Variants in ACSL3 observed in about 807,000 individuals in gnomAD.
The protein encoded by ACSL3 is fatty acid CoA ligase Acsl3.
Under a neutral mutation model 84.7 loss-of-function variants are expected in ACSL3, and 34 were observed. The ratio of observed to expected loss-of-function variants is 0.40; its 90% CI spans 0.31 to 0.53. The LOEUF (loss-of-function observed/expected upper bound fraction) is 0.53, where lower values mean the gene tolerates loss of function less well. ACSL3 is among the 20% of genes least tolerant of loss of function. The pLI, the probability that ACSL3 is intolerant of heterozygous loss-of-function variation, is 0.48. For missense variants in ACSL3, 680 were observed against 873.1 expected (o/e 0.78, Z 2.79); for synonymous variants, 315 against 299.4 (o/e 1.05, Z -0.54).
At chr2:222,899,343 C>A (rs1696075200) in intron 2 of ACSL3, among the ~76,000 whole-genome samples, 1 of 150,356 alleles carries the variant, frequency 6.7e-6, no homozygotes, top group African/African-American at 2.5e-5. Context: ...GGCGTGGTGG[C>A]AGGCGACTGT....
intron 3 of ACSL3, among the ~76,000 whole-genome samples, chr2:222,904,229 C>T (rs1696233774): frequency 6.6e-6 from 1 of 152,078 alleles, no homozygotes; most frequent in African/African-American, 2.4e-5. Context: ...CGAGATCGCA[C>T]CATTGCACTC....
chr2:222,878,884 GT>G (rs1260426902), intron 1 of ACSL3, among the ~76,000 whole-genome samples: 1 of 152,186 alleles, frequency 6.6e-6, no homozygotes, highest in Non-Finnish European at 1.5e-5. Flanking sequence ...AGCCTGTACA[GT>G]TGGTCCTGTT....
chr2:222,898,744 G>C (rs778692165), intron 2 of ACSL3, among the ~76,000 whole-genome samples: 7 of 152,128 alleles, frequency 4.6e-5, no homozygotes, highest in Admixed American at 6.5e-5. Context: ...GGAGAATGGC[G>C]TGAACCCGGG....
In ACSL3 at chr2:222,892,662, CT is replaced by C. The variant is rs148363194; in HGVS notation, c.-148+4780del. On this transcript the variant is annotated intron_variant, in intron 2 of 16. Transcript: ENST00000357430. ...CTCAAAAGTAGTGTATTAAAGGATA[CT>C]TTTTTCTCCCCAACAATAAGGTATT... 7.4e-3 allele frequency among the ~76,000 whole-genome samples: 1,132 copies of C among 152,162 alleles called. 21 individuals carry two copies. The highest frequency in any genetic ancestry group is 0.025 in the African/African-American group (1,055 of 41,500).
intron 1 of ACSL3, among the ~76,000 whole-genome samples, chr2:222,880,851 A>G (rs901988367): frequency 6.6e-6 from 1 of 151,810 alleles, no homozygotes; most frequent in Non-Finnish European, 1.5e-5. Context: ...AAAAACAAAA[A>G]AAAACCTGTC....
At position 222,934,436 on chromosome 2, in the gene ACSL3, T is replaced by G. The variant is rs75951229; in HGVS notation, c.1848-94T>G. 1,484 of 1,040,662 alleles carry G rather than the reference T, an allele frequency of 1.4e-3. 10 individuals carry two copies. The African/African-American group carries it at 0.023, about 16-fold the overall frequency. 64.5% of individuals were successfully genotyped at this position (1,040,662 alleles called of 1,614,324 possible). A position where few individuals can be genotyped will look rare whatever the true frequency, so the allele number is the denominator to read the frequency against. On this transcript the variant is annotated intron_variant, in intron 15 of 16. Transcript: ENST00000357430. Reference sequence around the variant, plus strand: ...TATGGCACATGCATTTTAAAAAAAATGAGGAGTTATTTACTACTTGTCACT... The same window carrying G: ...TATGGCACATGCATTTTAAAAAAAAGGAGGAGTTATTTACTACTTGTCACT...
intron 1 of ACSL3, among the ~76,000 whole-genome samples, chr2:222,867,601 C>A (rs1695185561): frequency 6.6e-6 from 1 of 152,188 alleles, no homozygotes; most frequent in Non-Finnish European, 1.5e-5. Flanking sequence ...CAACTCAATT[C>A]ATCAGTGTGG....
intron 10 of ACSL3, 123 bp from the exon 11 acceptor site, chr2:222,924,333 C>T (rs1574559777): frequency 1.2e-6 from 1 of 818,918 alleles, no homozygotes; most frequent in Non-Finnish European, 1.7e-6. Flanking sequence ...GAATCACATC[C>T]ACAGTTGAAG....
At position 222,944,305 on chromosome 2, in the gene ACSL3, C is replaced by G. The variant is rs568080856; in HGVS notation, c.*2651C>G. On this transcript the variant is annotated 3_prime_UTR_variant, in exon 17 of 17. Transcript: ENST00000357430. ...CAAGATTTTGCCATTTTTAAACAAC[C>G]AGTCCCTGTGATACAACTTTGAAAA... The G allele has an allele frequency of 2.0e-5, 3 of 152,194 alleles. No individual in the cohort carries two copies. The highest frequency in any genetic ancestry group is 6.5e-5 in the Admixed American group (1 of 15,290). 9.4% of individuals were successfully genotyped at this position (152,194 alleles called of 1,614,324 possible).
At position 222,908,781 on chromosome 2, in the gene ACSL3, C is replaced by T. The variant is rs770293736; in HGVS notation, c.9C>T (p.Asn3=). Residue 3 remains asparagine (N), a synonymous_variant, in exon 4 of 17, where the codon AAC becomes AAT. Transcript: ENST00000357430. Reference sequence around the variant, plus strand: ...CTACTTTTTGAGTACTTATGAATAACCACGTGTCTTCAAAACCATCTACCA... The same window carrying T: ...CTACTTTTTGAGTACTTATGAATAATCACGTGTCTTCAAAACCATCTACCA... MN[N]HVSSKPSTMK... 1.1e-5 allele frequency: 18 copies of T among 1,592,376 alleles called. 1 individual carries two copies. In the South Asian group the frequency reaches 2.0e-4, roughly 18 times the overall value.
intron 11 of ACSL3, among the ~76,000 whole-genome samples, chr2:222,925,894 T>G (rs1170274386): frequency 6.6e-6 from 1 of 152,238 alleles, no homozygotes; most frequent in Non-Finnish European, 1.5e-5. Flanking sequence ...GATCATAAAA[T>G]AGCTTAGAAG....
intron 16 of ACSL3, among the ~76,000 whole-genome samples, chr2:222,936,825 A>G (rs1252564803): frequency 6.6e-6 from 1 of 152,102 alleles, no homozygotes; most frequent in Non-Finnish European, 1.5e-5. Flanking sequence ...AAGCAAAGGG[A>G]CATCTTACAT....
At position 222,896,963 on chromosome 2, in the gene ACSL3, C is replaced by T. The variant is rs1183575202; in HGVS notation, c.-147-3711C>T. ...CCCCCTCCCGGACTGGGCGGCTGGC[C>T]GGGCGGGGGGCTGACCCCCCCACCT... On this transcript the variant is annotated intron_variant, in intron 2 of 16. Transcript: ENST00000357430. Among the ~76,000 whole-genome samples, 2 of 18,188 alleles carry T rather than the reference C, an allele frequency of 1.1e-4. 1 individual carries two copies. The highest frequency in any genetic ancestry group is 1.7e-4 in the Non-Finnish European group (2 of 11,954). 11.9% of individuals were successfully genotyped at this position (18,188 alleles called of 152,430 possible).
intron 16 of ACSL3, among the ~76,000 whole-genome samples, chr2:222,941,169 A>G (rs1473718331): frequency 1.3e-5 from 2 of 152,108 alleles, no homozygotes; most frequent in Non-Finnish European, 2.9e-5. Flanking sequence ...GCCTCAAGCG[A>G]TCCTCCTGCC....
rs1434633154 is a variant in ACSL3 at position 222,922,575 on chromosome 2, A to AC, written c.957-132dup. On this transcript the variant is annotated intron_variant, in intron 8 of 16. Transcript: ENST00000357430. ...ACCTGTCTCTCTCTCTCTCTCACAA[A>AC]CACATACACACTTGACCAGCAAATT... 8.6e-6 allele frequency: 9 copies of AC among 1,050,868 alleles called. No homozygotes were observed. In the African/African-American group the frequency reaches 1.3e-4, roughly 15 times the overall value. 65.1% of individuals were successfully genotyped at this position (1,050,868 alleles called of 1,614,324 possible). A position where few individuals can be genotyped will look rare whatever the true frequency, so the allele number is the denominator to read the frequency against.
At chr2:222,901,943 CAAAAAAAAAAA>C (rs765995360) in intron 3 of ACSL3, among the ~76,000 whole-genome samples, 5 of 12,390 alleles carry the variant, frequency 4.0e-4, no homozygotes, top group Non-Finnish European at 6.0e-4. Context: ...GACTCGGTCT[CAAAAAAAAAAA>C]AAAAAAAAAA....
Position 222,933,148 on chromosome 2 carries a change from C to T in ACSL3, c.1733-18C>T, listed in dbSNP as rs770321275. On this transcript the variant is annotated intron_variant, in intron 14 of 16. Coordinates refer to ENST00000357430, the MANE Select transcript of ACSL3 (RefSeq NM_004457.5). ...ATTACTCATTGTTTTCCCCTCTCCA[C>T]CTTTCTTTGTTTTGCAGATCGTAAA... 1 of 1,517,118 alleles carries T rather than the reference C, an allele frequency of 6.6e-7. No individual in the cohort carries two copies. Among genetic ancestry groups the T allele is most frequent in the East Asian group, 2.3e-5 (1 of 44,320 alleles). The allele number at this position is 1,517,118 out of a possible 1,614,324, so 94.0% of individuals were successfully genotyped here. A position where few individuals can be genotyped will look rare whatever the true frequency, so the allele number is the denominator to read the frequency against.
intron 14 of ACSL3, among the ~76,000 whole-genome samples, chr2:222,932,102 TC>T (rs1697045182): frequency 6.6e-6 from 1 of 152,104 alleles, no homozygotes; most frequent in African/African-American, 2.4e-5. Flanking sequence ...TTTTTCCAAA[TC>T]CCCAGGTTGG....
Position 222,942,514 on chromosome 2 carries a change from T to C in ACSL3, c.*860T>C, listed in dbSNP as rs1319944342. On this transcript the variant is annotated 3_prime_UTR_variant, in exon 17 of 17. Transcript: ENST00000357430. ...GGATAGAATTTAAAGAACAAGAGTA[T>C]ATAAAGTTATTCTTTGAATATTTCG... 1.0e-5 allele frequency: 2 copies of C among 193,574 alleles called. No homozygotes were observed. The highest frequency in any genetic ancestry group is 1.1e-5 in the Non-Finnish European group (1 of 92,842). 12.0% of individuals were successfully genotyped at this position (193,574 alleles called of 1,614,324 possible).
Sources: gnomAD v4.1 joint callset for allele counts (sites outside exome capture counted in the v4.1 genomes callset) on GRCh38, gnomAD v4.1.1 for gene constraint, MANE v1.5 for transcripts, NCBI Gene and HGNC (gene_info 2026-07-23, HGNC 2026-07-21) for gene names.